The following WDR72 variants were observed in gnomAD, a reference collection of about 807,000 sequenced individuals.
The protein encoded by WDR72 is WD repeat-containing protein 72.
A neutral mutation model predicts 124.2 loss-of-function variants in WDR72; 120 were observed. The observed-to-expected ratio is 0.97, with a 90% CI of 0.83 to 1.12. The LOEUF is 1.12. WDR72 is among the 50% of genes most tolerant of loss of function. The probability of loss-of-function intolerance (pLI) is 0.00; values close to 1 mark genes in which losing one functional copy is unlikely to be tolerated. For synonymous variants in WDR72, 452 were observed against 441.7 expected (o/e 1.02, Z -0.29); for missense variants, 1,387 against 1,278.8 (o/e 1.08, Z -1.29).
intron 14 of WDR72, among the ~76,000 whole-genome samples, chr15:53,618,815 G>C (rs2013871791): frequency 6.6e-6 from 1 of 151,962 alleles, no homozygotes; most frequent in Admixed American, 6.6e-5. Flanking sequence ...AAGTTGTTGG[G>C]CTTATCCCTT....
At chr15:53,553,802 T>G (rs964735085) in intron 18 of WDR72, among the ~76,000 whole-genome samples, 2 of 152,186 alleles carry the variant, frequency 1.3e-5, no homozygotes, top group African/African-American at 2.4e-5. Flanking sequence ...GACATAGTAA[T>G]TAGTTTAAAT....
intron 17 of WDR72, among the ~76,000 whole-genome samples, 190 bp from the exon 18 acceptor site, chr15:53,597,464 C>T (rs2012833612): frequency 6.6e-6 from 1 of 151,674 alleles, no homozygotes; most frequent in African/African-American, 2.4e-5. Context: ...GACTTTCACA[C>T]TGTTTTTTTG....
chr15:53,575,005 CA>C, intron 18 of WDR72, among the ~76,000 whole-genome samples: 1 of 68,868 alleles, frequency 1.5e-5, no homozygotes, highest in African/African-American at 6.4e-5. Flanking sequence ...AAATCAAACA[CA>C]ACACACACAC....
chr15:53,646,793 G>A (rs1247542866), intron 14 of WDR72, among the ~76,000 whole-genome samples: 1 of 151,966 alleles, frequency 6.6e-6, no homozygotes, highest in Admixed American at 6.6e-5. Context: ...TCAAATAAAA[G>A]CTCTGGGACA....
At chr15:53,602,072 T>C (rs56276502) in intron 17 of WDR72, among the ~76,000 whole-genome samples, 19,764 of 151,998 alleles carry the variant, frequency 0.13, 1,896 homozygotes, top group African/African-American at 0.27. Flanking sequence ...TATTCTAAAA[T>C]TGATCATAAT....
At chr15:53,587,500 A>C (rs2012277123) in intron 18 of WDR72, among the ~76,000 whole-genome samples, 1 of 152,012 alleles carries the variant, frequency 6.6e-6, no homozygotes, top group Non-Finnish European at 1.5e-5. Flanking sequence ...GATTTTGCAC[A>C]TAATACTTTA....
At chr15:53,523,357 A>G in intron 18 of WDR72, 35 bp from the exon 19 acceptor site, 2 of 1,592,746 alleles carry the variant, frequency 1.3e-6, no homozygotes, top group Non-Finnish European at 1.7e-6. Flanking sequence ...AGAGAGACAG[A>G]AGAGAGAGGA....
chr15:53,714,560 G>T (rs2017650780), intron 5 of WDR72, 50 bp from the exon 6 acceptor site: 2 of 1,434,432 alleles, frequency 1.4e-6, no homozygotes, highest in African/African-American at 1.4e-5. Context: ...ATATAATTGG[G>T]TAGGTAAAAA....
At chr15:53,541,174 T>G (rs1893104495) in intron 18 of WDR72, 1 of 153,300 alleles carries the variant, frequency 6.5e-6, no homozygotes, top group African/African-American at 2.4e-5. Flanking sequence ...CTCTGTAGGC[T>G]CCACCTCTGG....
chr15:53,681,217 G>C (rs78602051), intron 13 of WDR72, among the ~76,000 whole-genome samples: 2 of 152,268 alleles, frequency 1.3e-5, no homozygotes, highest in African/African-American at 4.8e-5. Context: ...TGAGTCTTGC[G>C]TTTCCAATTG....
rs1241686540 is a variant in WDR72 at position 53,516,655 on chromosome 15, T to TTAGA, written c.*1040_*1043dup. The TTAGA allele has an allele frequency of 2.6e-5, 4 of 152,074 alleles. No homozygotes were observed. Among genetic ancestry groups the TTAGA allele is most frequent in the Non-Finnish European group, 5.9e-5 (4 of 67,968 alleles). The allele number at this position is 152,074 out of a possible 1,614,324, so 9.4% of individuals were successfully genotyped here. On this transcript the variant is annotated 3_prime_UTR_variant, in exon 20 of 20. Coordinates refer to ENST00000360509, the MANE Select transcript of WDR72 (RefSeq NM_182758.4). ...AATTGAAGTGACTTGGACTTCCCTA[T>TTAGA]TAGATACATAGATAGATAGATATAG...
chr15:53,648,552 A>C (rs555170012), intron 14 of WDR72, among the ~76,000 whole-genome samples: 1 of 152,254 alleles, frequency 6.6e-6, no homozygotes, highest in East Asian at 1.9e-4. Flanking sequence ...GAACTGGCTC[A>C]CCATTAAGTA....
intron 13 of WDR72, among the ~76,000 whole-genome samples, chr15:53,680,658 T>C (rs553846277): frequency 4.3e-4 from 65 of 152,368 alleles, no homozygotes; most frequent in South Asian, 1.2e-3. Flanking sequence ...TTTTCTAAAT[T>C]TTTTATTAGC....
upstream of WDR72, among the ~76,000 whole-genome samples, chr15:53,762,273 G>A (rs142305906): frequency 1.3e-3 from 191 of 152,152 alleles, no homozygotes; most frequent in Middle Eastern, 6.8e-3. Flanking sequence ...CACTCCTCTC[G>A]CCTTCTGCAT....
At chr15:53,699,191 A>C (rs995952993) in intron 13 of WDR72, among the ~76,000 whole-genome samples, 1 of 152,118 alleles carries the variant, frequency 6.6e-6, no homozygotes, top group Non-Finnish European at 1.5e-5. Flanking sequence ...CATTTTCTGG[A>C]ATGTATTACT....
At chr15:53,657,921 A>G (rs2015484282) in intron 14 of WDR72, among the ~76,000 whole-genome samples, 1 of 152,216 alleles carries the variant, frequency 6.6e-6, no homozygotes, top group East Asian at 1.9e-4. Context: ...CTCAGCCATA[A>G]ATTCAATAAA....
Position 53,710,742 on chromosome 15 carries a change from T to C in WDR72, c.954+115A>G, listed in dbSNP as rs552960. 390,159 of 838,482 alleles carry C rather than the reference T, an allele frequency of 0.47. 93,130 individuals carry two copies. Among genetic ancestry groups the C allele is most frequent in the Middle Eastern group, 0.56 (2,031 of 3,602 alleles). The allele number at this position is 838,482 out of a possible 1,614,324, so 51.9% of individuals were successfully genotyped here. A position where few individuals can be genotyped will look rare whatever the true frequency, so the allele number is the denominator to read the frequency against. On this transcript the variant is annotated intron_variant, in intron 9 of 19. Transcript: ENST00000360509. ...AAACTTGATTTTCTCATTAACAACT[T>C]GATGGGATGCTTCAATTCAATTTTT...
chr15:53,761,821 A>G (rs1040289422), upstream of WDR72, among the ~76,000 whole-genome samples: 4 of 14,618 alleles, frequency 2.7e-4, no homozygotes, highest in Non-Finnish European at 1.3e-3. Context: ...GACTCTGTCA[A>G]AAACAAAAAC....
chr15:53,527,062 CTATTAGTGTAATTCTTCTAGATCCT>C (rs1291014970), intron 18 of WDR72, among the ~76,000 whole-genome samples: 1 of 152,044 alleles, frequency 6.6e-6, no homozygotes, highest in African/African-American at 2.4e-5. Flanking sequence ...GTGCATTTAA[CTATTAGTGTAATTCTTCTAGATCCT>C]AAAGAAATGA....
Sources: allele counts gnomAD v4.1 joint callset (sites outside exome capture counted in the v4.1 genomes callset), GRCh38; gene constraint gnomAD v4.1.1; transcripts MANE v1.5; gene names NCBI Gene and HGNC (gene_info 2026-07-23, HGNC 2026-07-21).